The following FILIP1L variants were observed in gnomAD, a reference collection of about 807,000 sequenced individuals.
FILIP1L encodes filamin A interacting protein 1 like, also known as filamin A-interacting protein 1-like.
FILIP1L carries 55 observed loss-of-function variants against 96.6 expected under a neutral mutation model. The ratio of observed to expected loss-of-function variants is 0.57; its 90% confidence interval spans 0.46 to 0.71. FILIP1L has a LOEUF of 0.71. FILIP1L is among the 30% of genes least tolerant of loss of function. The pLI is 0.00. For synonymous variants in FILIP1L, 467 were observed against 473.9 expected (o/e 0.99, Z 0.19); for missense variants, 1,304 against 1,321.2 (o/e 0.99, Z 0.20).
intron 1 of FILIP1L, among the ~76,000 whole-genome samples, chr3:100,051,773 G>A (rs186192372): frequency 1.3e-5 from 2 of 150,778 alleles, no homozygotes; most frequent in African/African-American, 4.9e-5. Flanking sequence ...CATTTGGCTT[G>A]GTTCCAAGTC....
chr3:100,067,900 G>A (rs2065693798), intron 1 of FILIP1L, among the ~76,000 whole-genome samples: 2 of 151,884 alleles, frequency 1.3e-5, no homozygotes, highest in South Asian at 4.2e-4. Context: ...GTAAACAGAT[G>A]CAATCAAAGC....
At chr3:99,997,161 G>A (rs1709708707) in intron 1 of FILIP1L, among the ~76,000 whole-genome samples, 1 of 152,068 alleles carries the variant, frequency 6.6e-6, no homozygotes, top group African/African-American at 2.4e-5. Flanking sequence ...CCATACAAAG[G>A]ATGGACAAAA....
In FILIP1L at chr3:99,845,374, G is replaced by A. The variant is rs78265257; in HGVS notation, c.3381+2921C>T. On this transcript the variant is annotated intron_variant, in intron 5 of 5. Transcript: ENST00000477258. ...GGGAATGTGAGTAAAATGAAACTTC[G>A]TTCTGAAGCGAGGACTTAGACCAAT... is the stretch of plus-strand genomic sequence containing the variant. Among the ~76,000 whole-genome samples, 472 of 152,260 alleles carry A rather than the reference G, an allele frequency of 3.1e-3. 9 individuals are homozygous for A. In the East Asian group the frequency reaches 0.055, roughly 18 times the overall value.
intron 1 of FILIP1L, among the ~76,000 whole-genome samples, chr3:99,961,324 T>C (rs1708483592): frequency 6.6e-6 from 1 of 152,202 alleles, no homozygotes; most frequent in Non-Finnish European, 1.5e-5. Context: ...CTGAGTATTT[T>C]TTTAACCCCA....
At chr3:99,951,029 T>G in intron 1 of FILIP1L, among the ~76,000 whole-genome samples, 1 of 152,214 alleles carries the variant, frequency 6.6e-6, no homozygotes, top group Non-Finnish European at 1.5e-5. Flanking sequence ...TTTCACCTCA[T>G]GCCCCTCCCT....
At chr3:99,939,096 A>G (rs961152464) in intron 1 of FILIP1L, among the ~76,000 whole-genome samples, 1 of 152,250 alleles carries the variant, frequency 6.6e-6, no homozygotes, top group East Asian at 1.9e-4. Flanking sequence ...ATTCAGGTTC[A>G]TATTCCCAAG....
intron 1 of FILIP1L, among the ~76,000 whole-genome samples, chr3:99,947,131 C>CT: frequency 1.3e-5 from 1 of 76,428 alleles, no homozygotes. Flanking sequence ...GAGCAAGACT[C>CT]TGTCTCAAAA....
At chr3:100,101,551 C>G (rs935460256) in intron 1 of FILIP1L, among the ~76,000 whole-genome samples, 3 of 151,954 alleles carry the variant, frequency 2.0e-5, no homozygotes, top group Admixed American at 2.0e-4. Context: ...ATAAATATAC[C>G]CTTCAAAGTA....
chr3:100,111,335 C>G (rs114804534), intron 1 of FILIP1L, among the ~76,000 whole-genome samples: 283 of 152,194 alleles, frequency 1.9e-3, no homozygotes, highest in African/African-American at 6.6e-3. Flanking sequence ...TTTTCTAGAA[C>G]TTTATTTAAG....
intron 1 of FILIP1L, among the ~76,000 whole-genome samples, chr3:100,016,627 A>C (rs1008845135): frequency 7.2e-5 from 11 of 152,200 alleles, no homozygotes. Context: ...TGCCATATGA[A>C]TATGCATATA....
chr3:99,942,633 A>C (rs1576589852), intron 1 of FILIP1L, among the ~76,000 whole-genome samples: 1 of 152,130 alleles, frequency 6.6e-6, no homozygotes, highest in South Asian at 2.1e-4. Flanking sequence ...GGAGTTCAAG[A>C]CCAGCCTGGC....
chr3:100,023,249 A>G (rs1455965145), intron 1 of FILIP1L: 1 of 152,464 alleles, frequency 6.6e-6, no homozygotes, highest in East Asian at 1.9e-4. Flanking sequence ...GCCACCACGA[A>G]GTATTGTTCT....
intron 4 of FILIP1L, among the ~76,000 whole-genome samples, chr3:99,905,152 C>G (rs1445053501): frequency 6.6e-6 from 1 of 152,226 alleles, no homozygotes; most frequent in East Asian, 1.9e-4. Context: ...GCTTATCCCC[C>G]TTTGAATGTA....
chr3:99,969,086 T>A (rs1708738997), intron 1 of FILIP1L, among the ~76,000 whole-genome samples: 1 of 152,082 alleles, frequency 6.6e-6, no homozygotes, highest in Non-Finnish European at 1.5e-5. Context: ...TGGAGCTCGG[T>A]CCTGGGAGTG....
chr3:99,931,030 C>T lies in FILIP1L; in HGVS notation c.-10G>A. ...TGCCTCTGGAACGCATTCTTTAAAG[C>T]CTGGAAGGAGGGAAGAAAATTTGTA... On this transcript the variant is annotated splice_region_variant and 5_prime_UTR_variant, in exon 2 of 6. Coordinates refer to ENST00000477258, the MANE Select transcript of FILIP1L (RefSeq NM_001387850.1). The T allele has an allele frequency of 6.2e-7, 1 of 1,609,370 alleles. No homozygotes were observed. Among genetic ancestry groups the T allele is most frequent in the Non-Finnish European group, 8.5e-7 (1 of 1,178,030 alleles).
Position 99,829,511 on chromosome 3 carries a change from A to G in FILIP1L, c.*903T>C, listed in dbSNP as rs1483521684. On this transcript the variant is annotated 3_prime_UTR_variant, in exon 6 of 6. Coordinates refer to ENST00000477258, the MANE Select transcript of FILIP1L (RefSeq NM_001387850.1). ...TATCAGAACTGGAAGGGACCTGAGG[A>G]ATTATTTCACTTTCCTGTTTTACAT... is the stretch of plus-strand genomic sequence containing the variant. Among the ~76,000 whole-genome samples the G allele has an allele frequency of 6.6e-6, 1 of 152,184 alleles. No homozygotes were observed. Among genetic ancestry groups the G allele is most frequent in the Non-Finnish European group, 1.5e-5 (1 of 68,026 alleles).
chr3:100,106,264 T>A (rs920667041), intron 1 of FILIP1L, among the ~76,000 whole-genome samples: 1 of 152,118 alleles, frequency 6.6e-6, no homozygotes, highest in Non-Finnish European at 1.5e-5. Flanking sequence ...TGGAATACTC[T>A]CCAGGGATTT....
At chr3:99,989,692 T>TC (rs2107127146) in intron 1 of FILIP1L, among the ~76,000 whole-genome samples, 2 of 149,780 alleles carry the variant, frequency 1.3e-5, no homozygotes, top group South Asian at 4.2e-4. Flanking sequence ...ATATTTTTTT[T>TC]CTTTTTTTTG....
At chr3:99,929,701 C>T (rs547223443) in intron 3 of FILIP1L, among the ~76,000 whole-genome samples, 155 bp downstream of exon 3, 1 of 152,232 alleles carries the variant, frequency 6.6e-6, no homozygotes, top group African/African-American at 2.4e-5. Context: ...TTTTAACTTT[C>T]CTATTGAACT....
Sources: allele counts gnomAD v4.1 joint callset (sites outside exome capture counted in the v4.1 genomes callset), GRCh38; gene constraint gnomAD v4.1.1; transcripts MANE v1.5; gene names NCBI Gene and HGNC (gene_info 2026-07-23, HGNC 2026-07-21).